The following THSD7B variants were observed in gnomAD, a reference collection of about 807,000 sequenced individuals.
THSD7B encodes thrombospondin type 1 domain containing 7B.
THSD7B carries 138 observed loss-of-function variants against 213.6 expected under a neutral mutation model. The ratio of observed to expected loss-of-function variants is 0.65; its 90% CI spans 0.56 to 0.74. The LOEUF (loss-of-function observed/expected upper bound fraction) is 0.74, where lower values mean the gene tolerates loss of function less well. Among genes scored for constraint, THSD7B ranks in the 30% least tolerant of loss-of-function variants. THSD7B has a pLI of 0.00. For missense variants in THSD7B, 1,931 were observed against 1,991.5 expected (o/e 0.97, Z 0.58); for synonymous variants, 742 against 687.0 (o/e 1.08, Z -1.25).
chr2:137,011,763 C>T (rs148634054), intron 2 of THSD7B, among the ~76,000 whole-genome samples: 129 of 152,300 alleles, frequency 8.5e-4, no homozygotes, highest in African/African-American at 3.0e-3. Context: ...CCACATCTAC[C>T]GCATACAGTC....
At chr2:137,311,195 T>G (rs1460114449) in intron 12 of THSD7B, among the ~76,000 whole-genome samples, 1 of 150,152 alleles carries the variant, frequency 6.7e-6, no homozygotes, top group East Asian at 2.0e-4. Flanking sequence ...CAGTGGTTTG[T>G]AGTTCTCCTT....
At chr2:137,155,150 C>G (rs1389153916) in intron 5 of THSD7B, among the ~76,000 whole-genome samples, 1 of 152,188 alleles carries the variant, frequency 6.6e-6, no homozygotes, top group East Asian at 1.9e-4. Flanking sequence ...AGGCAGTGAT[C>G]CAGATTTGTC....
intron 2 of THSD7B, among the ~76,000 whole-genome samples, chr2:136,955,700 G>A (rs564651377): frequency 3.9e-5 from 6 of 152,162 alleles, no homozygotes; most frequent in East Asian, 1.9e-4. Context: ...CAGGGCAATC[G>A]TGAGGGCATT....
In THSD7B at chr2:137,405,654, AT is replaced by A; in HGVS notation, c.2543del (p.Met848ArgfsTer68). On this transcript the variant is annotated frameshift_variant, in exon 13 of 28. Coordinates refer to ENST00000409968, the MANE Select transcript of THSD7B (RefSeq NM_001316349.2). LOFTEE classifies it high-confidence loss of function. ...ISDDNRSAEM[M>X]ECLKQTNGMP... ...TGATGACAACCGGTCAGCAGAAATG[AT>A]GGAATGCCTCAAGCAGACAAACGGC... The A allele has an allele frequency of 6.2e-7, 1 of 1,611,200 alleles. No individual in the cohort carries two copies. Among genetic ancestry groups the A allele is most frequent in the Non-Finnish European group, 8.5e-7 (1 of 1,178,728 alleles).
intron 15 of THSD7B, among the ~76,000 whole-genome samples, chr2:137,456,710 A>G (rs1687771490): frequency 6.6e-6 from 1 of 152,234 alleles, no homozygotes; most frequent in South Asian, 2.1e-4. Flanking sequence ...TGGTGGTTTT[A>G]CCTTGGATAA....
intron 14 of THSD7B, among the ~76,000 whole-genome samples, chr2:137,437,400 A>C (rs4347890): frequency 0.15 from 22,419 of 152,230 alleles, 4,089 homozygotes; most frequent in African/African-American, 0.43. Context: ...TAAGGGGATG[A>C]TGATTGTAGA....
At chr2:136,880,312 A>T (rs1418939587) in intron 1 of THSD7B, among the ~76,000 whole-genome samples, 1 of 151,944 alleles carries the variant, frequency 6.6e-6, no homozygotes, top group Non-Finnish European at 1.5e-5. Flanking sequence ...TTTGCCACCC[A>T]CCTGTAGTAA....
chr2:137,242,668 T>C, intron 10 of THSD7B, 96 bp downstream of exon 10: 2 of 822,540 alleles, frequency 2.4e-6, no homozygotes, highest in Admixed American at 5.7e-5. Flanking sequence ...AGCACCTTTT[T>C]TTTTTTTCAT....
At chr2:136,931,800 A>G (rs1200571066) in intron 2 of THSD7B, among the ~76,000 whole-genome samples, 1 of 152,230 alleles carries the variant, frequency 6.6e-6, no homozygotes, top group Non-Finnish European at 1.5e-5. Flanking sequence ...AAAGTAAACC[A>G]GGACTAGCTT....
intron 12 of THSD7B, among the ~76,000 whole-genome samples, chr2:137,399,211 A>G (rs1050460101): frequency 4.3e-5 from 1 of 23,092 alleles, no homozygotes; most frequent in Non-Finnish European, 1.5e-4. Flanking sequence ...TTTTTTTTTT[A>G]AACACAAGTC....
intron 2 of THSD7B, among the ~76,000 whole-genome samples, chr2:136,908,189 G>A (rs554841818): frequency 4.6e-4 from 70 of 152,070 alleles, no homozygotes; most frequent in Non-Finnish European, 8.4e-4. Flanking sequence ...ACTATATTAA[G>A]TTATTGTGCC....
At chr2:137,663,633 A>T in intron 26 of THSD7B, 58 bp downstream of exon 26, 1 of 1,432,616 alleles carries the variant, frequency 7.0e-7, no homozygotes, top group Non-Finnish European at 9.5e-7. Flanking sequence ...CTATATTTTG[A>T]CCACTTCTCA....
chr2:137,481,371 G>C (rs1688303495), intron 15 of THSD7B, among the ~76,000 whole-genome samples: 2 of 152,160 alleles, frequency 1.3e-5, no homozygotes, highest in African/African-American at 2.4e-5. Context: ...ATCTATGACA[G>C]TTGTAAAATT....
At chr2:137,392,552 T>G (rs188931555) in intron 12 of THSD7B, among the ~76,000 whole-genome samples, 105 of 152,290 alleles carry the variant, frequency 6.9e-4, no homozygotes, top group African/African-American at 2.5e-3. Flanking sequence ...CTATTTTATC[T>G]GATATAGCTA....
intron 20 of THSD7B, among the ~76,000 whole-genome samples, chr2:137,628,203 T>G (rs1030032830): frequency 6.6e-6 from 1 of 152,308 alleles, no homozygotes; most frequent in South Asian, 2.1e-4. Context: ...GTAGGATCTT[T>G]TAAAAATTAT....
chr2:136,947,475 C>T (rs1186782306), intron 2 of THSD7B, among the ~76,000 whole-genome samples: 5 of 152,132 alleles, frequency 3.3e-5, no homozygotes, highest in Non-Finnish European at 7.3e-5. Context: ...GGTTGAGTTA[C>T]CATTTAAGTT....
intron 12 of THSD7B, among the ~76,000 whole-genome samples, chr2:137,360,496 G>A (rs564768044): frequency 3.9e-5 from 6 of 152,214 alleles, no homozygotes; most frequent in Admixed American, 6.5e-5. Flanking sequence ...CAGGAAAATC[G>A]GGACACTGCC....
intron 15 of THSD7B, among the ~76,000 whole-genome samples, chr2:137,456,844 C>G (rs1295824016): frequency 6.6e-6 from 1 of 152,192 alleles, no homozygotes; most frequent in Admixed American, 6.5e-5. Flanking sequence ...TTTTACCTCT[C>G]TCTGCATAGT....
chr2:137,352,169 G>A (rs1243820773), intron 12 of THSD7B, among the ~76,000 whole-genome samples: 1 of 151,644 alleles, frequency 6.6e-6, no homozygotes, highest in Non-Finnish European at 1.5e-5. Flanking sequence ...GAAGGAGGAG[G>A]AGGAGGAGGA....
Sources: allele counts gnomAD v4.1 joint callset (sites outside exome capture counted in the v4.1 genomes callset), GRCh38; gene constraint gnomAD v4.1.1; transcripts MANE v1.5; gene names NCBI Gene and HGNC (gene_info 2026-07-23, HGNC 2026-07-21).